The following LDLRAD3 variants were observed in gnomAD, a reference collection of about 807,000 sequenced individuals.
The protein encoded by LDLRAD3 is low density lipoprotein receptor class A domain containing 3.
LDLRAD3 carries 20 observed loss-of-function variants against 29.4 expected under a neutral mutation model. The ratio of observed to expected loss-of-function variants is 0.68; its 90% confidence interval spans 0.48 to 0.99. The LOEUF (loss-of-function observed/expected upper bound fraction) is 0.99. Ranked by LOEUF, LDLRAD3 falls within the 50% of genes least tolerant of loss-of-function variation. The probability of loss-of-function intolerance (pLI) is 0.00; values close to 1 mark genes in which losing one functional copy is unlikely to be tolerated. For synonymous variants in LDLRAD3, 157 were observed against 192.7 expected (o/e 0.81, Z 1.53); for missense variants, 420 against 454.3 (o/e 0.92, Z 0.69).
intron 4 of LDLRAD3, among the ~76,000 whole-genome samples, chr11:36,179,210 A>T (rs1294651174): frequency 6.6e-6 from 1 of 152,226 alleles, no homozygotes; most frequent in Non-Finnish European, 1.5e-5. Context: ...ATGGTGGCTC[A>T]TGCCTGTAAT....
chr11:36,126,306 C>A (rs956956601), intron 4 of LDLRAD3, among the ~76,000 whole-genome samples: 1 of 152,194 alleles, frequency 6.6e-6, no homozygotes, highest in Non-Finnish European at 1.5e-5. Context: ...GCTCATCAGG[C>A]ACCATTTACC....
At chr11:36,221,366 T>TAAA (rs1855423867) in intron 4 of LDLRAD3, among the ~76,000 whole-genome samples, 1 of 108,802 alleles carries the variant, frequency 9.2e-6, no homozygotes, top group Admixed American at 1.0e-4. Context: ...AGACTCCATC[T>TAAA]CAAAAAAAAA....
At chr11:36,040,518 A>G (rs1852367048) in intron 2 of LDLRAD3, among the ~76,000 whole-genome samples, 2 of 151,892 alleles carry the variant, frequency 1.3e-5, no homozygotes, top group Admixed American at 1.3e-4. Context: ...ATCTCCCCCC[A>G]TTTTTCTCTT....
At chr11:36,086,383 G>A (rs200757300) in intron 3 of LDLRAD3, among the ~76,000 whole-genome samples, 1 of 152,170 alleles carries the variant, frequency 6.6e-6, no homozygotes, top group Non-Finnish European at 1.5e-5. Flanking sequence ...GAAGCCTAGC[G>A]GGAGTGCTTA....
At chr11:36,202,438 C>T (rs1452912577) in intron 4 of LDLRAD3, among the ~76,000 whole-genome samples, 1 of 152,180 alleles carries the variant, frequency 6.6e-6, no homozygotes, top group Non-Finnish European at 1.5e-5. Context: ...GCCATTCCTA[C>T]AGGCCAGAGA....
intron 1 of LDLRAD3, among the ~76,000 whole-genome samples, chr11:35,955,501 G>A (rs1399244855): frequency 2.0e-5 from 3 of 152,122 alleles, no homozygotes; most frequent in Admixed American, 6.5e-5. Context: ...TTTCGGACAC[G>A]TAGTAAAATT....
At chr11:35,967,462 T>G (rs1851356291) in intron 1 of LDLRAD3, 1 of 331,690 alleles carries the variant, frequency 3.0e-6, no homozygotes, top group Non-Finnish European at 5.8e-6. Flanking sequence ...CAAATAGGTC[T>G]GCTTTGGGAA....
chr11:35,964,234 C>T (rs182107718), intron 1 of LDLRAD3, among the ~76,000 whole-genome samples: 19 of 152,302 alleles, frequency 1.2e-4, no homozygotes, highest in Non-Finnish European at 2.1e-4. Context: ...GTCCCAGGCT[C>T]TGGGGAAAGT....
rs372487868 is a variant in LDLRAD3, at chr11:36,044,035, C to T, written c.193+7786C>T. Among the ~76,000 whole-genome samples, 46 of 152,290 alleles carry T rather than the reference C, an allele frequency of 3.0e-4. 1 individual carries two copies. The South Asian group carries it at 9.5e-3, about 32-fold the overall frequency. On this transcript the variant is annotated intron_variant, in intron 2 of 5. Coordinates refer to ENST00000315571, the MANE Select transcript of LDLRAD3 (RefSeq NM_174902.4). Reference sequence around the variant, plus strand: ...CTCACCTAATTCCTGGCATGATCCTCACTTCACTAAATTTCTTTAGTCTTA... The same window carrying T: ...CTCACCTAATTCCTGGCATGATCCTTACTTCACTAAATTTCTTTAGTCTTA...
intron 3 of LDLRAD3, among the ~76,000 whole-genome samples, chr11:36,092,529 G>A (rs144934476): frequency 1.2e-3 from 178 of 151,984 alleles, no homozygotes; most frequent in East Asian, 6.8e-3. Flanking sequence ...CCTTCCCCCT[G>A]CTCACCCTTC....
chr11:36,184,140 T>C (rs1854810721), intron 4 of LDLRAD3: 1 of 194,612 alleles, frequency 5.1e-6, no homozygotes, highest in Non-Finnish European at 1.1e-5. Flanking sequence ...TAATTTTGTA[T>C]TTTTAATAGA....
At chr11:35,999,680 A>T (rs1020618933) in intron 1 of LDLRAD3, among the ~76,000 whole-genome samples, 4 of 152,156 alleles carry the variant, frequency 2.6e-5, no homozygotes, top group Non-Finnish European at 5.9e-5. Flanking sequence ...ACCCAAAGGG[A>T]GGGGTGTATC....
At chr11:36,065,089 C>G (rs1852770139) in intron 2 of LDLRAD3, among the ~76,000 whole-genome samples, 1 of 152,164 alleles carries the variant, frequency 6.6e-6, no homozygotes, top group African/African-American at 2.4e-5. Flanking sequence ...CCTAGTTATT[C>G]TATCCATTAT....
chr11:36,120,072 G>A (rs112784071), intron 4 of LDLRAD3, among the ~76,000 whole-genome samples: 2 of 152,154 alleles, frequency 1.3e-5, no homozygotes, highest in African/African-American at 2.4e-5. Context: ...ATCTTTTATC[G>A]AAAATGTTAT....
chr11:36,091,428 T>C (rs1853278634), intron 3 of LDLRAD3, among the ~76,000 whole-genome samples: 1 of 152,176 alleles, frequency 6.6e-6, no homozygotes, highest in African/African-American at 2.4e-5. Flanking sequence ...TTAGATGTGG[T>C]TGAAGTAAAC....
intron 4 of LDLRAD3, among the ~76,000 whole-genome samples, chr11:36,100,704 C>T (rs757458150): frequency 4.6e-5 from 7 of 152,172 alleles, no homozygotes; most frequent in South Asian, 2.1e-4. Context: ...CCCCAAGTGC[C>T]GGGATTTACA....
At chr11:36,197,290 G>T (rs1204382081) in intron 4 of LDLRAD3, 1 of 152,152 alleles carries the variant, frequency 6.6e-6, no homozygotes, top group Non-Finnish European at 1.5e-5. Context: ...ACTTTTTCAG[G>T]ATTGTAAAAA....
In LDLRAD3 at chr11:36,221,996, C is replaced by A. The variant is rs74349204; in HGVS notation, c.455-5089C>A. Among the ~76,000 whole-genome samples the A allele has an allele frequency of 7.5e-3, 1,143 of 152,296 alleles. 10 individuals carry two copies. The highest frequency in any genetic ancestry group is 0.026 in the African/African-American group (1,067 of 41,552). ...ATACACCATAATTTATTTAGCCAGG[C>A]TGCAACTGATAAACATTTGGATTGT... is the stretch of plus-strand genomic sequence containing the variant. On this transcript the variant is annotated intron_variant, in intron 4 of 5. Coordinates refer to ENST00000315571, the MANE Select transcript of LDLRAD3 (RefSeq NM_174902.4).
At chr11:36,063,288 C>G (rs897783790) in intron 2 of LDLRAD3, among the ~76,000 whole-genome samples, 1 of 152,112 alleles carries the variant, frequency 6.6e-6, no homozygotes, top group African/African-American at 2.4e-5. Flanking sequence ...CAGGATTTAC[C>G]AGAAAGTTTT....
Sources: gnomAD v4.1 joint callset for allele counts (sites outside exome capture counted in the v4.1 genomes callset) on GRCh38, gnomAD v4.1.1 for gene constraint, MANE v1.5 for transcripts, NCBI Gene and HGNC (gene_info 2026-07-23, HGNC 2026-07-21) for gene names.